TTC23L: variants seen among roughly 807,000 people sequenced by gnomAD.
TTC23L encodes tetratricopeptide repeat domain 23 like.
Under a neutral mutation model 48.1 loss-of-function variants are expected in TTC23L, and 42 were observed. The observed-to-expected ratio is 0.87, with a 90% CI of 0.68 to 1.13. The LOEUF is 1.13. TTC23L is among the 50% of genes most tolerant of loss of function. The probability of loss-of-function intolerance (pLI) is 0.00; values close to 1 mark genes in which losing one functional copy is unlikely to be tolerated. For synonymous variants in TTC23L, 159 were observed against 157.2 expected (o/e 1.01, Z -0.09); for missense variants, 391 against 421.0 (o/e 0.93, Z 0.62).
At chr5:34,873,915 C>G (rs1761650800) in intron 8 of TTC23L, among the ~76,000 whole-genome samples, 1 of 152,124 alleles carries the variant, frequency 6.6e-6, no homozygotes, top group African/African-American at 2.4e-5. Flanking sequence ...TAGGTCAACA[C>G]TAAGCTATGC....
At chr5:34,843,177 T>G (rs117432023) in intron 2 of TTC23L, among the ~76,000 whole-genome samples, 1 of 152,310 alleles carries the variant, frequency 6.6e-6, no homozygotes, top group East Asian at 1.9e-4. Context: ...AAATTGAAGT[T>G]CATAAAAATG....
chr5:34,914,828 T>C, the TTC23L span: 5 of 1,614,104 alleles, frequency 3.1e-6, no homozygotes, highest in Non-Finnish European at 2.5e-6. Context: ...CCTAACGTTG[T>C]CAAGGCTGGC....
chr5:34,913,451 T>C, the TTC23L span: 2 of 1,435,542 alleles, frequency 1.4e-6, no homozygotes, highest in Non-Finnish European at 1.9e-6. Context: ...TTTATGTCTT[T>C]ATACTGATCA....
chr5:34,840,084 G>T (rs1481142317), intron 1 of TTC23L, among the ~76,000 whole-genome samples: 3 of 152,204 alleles, frequency 2.0e-5, no homozygotes, highest in African/African-American at 7.2e-5. Context: ...TAGAGACGGG[G>T]TTTCACCCTG....
intron 1 of TTC23L, 43 bp from the exon 2 acceptor site, chr5:34,840,622 C>T: frequency 6.5e-7 from 1 of 1,548,094 alleles, no homozygotes; most frequent in Non-Finnish European, 8.9e-7. Flanking sequence ...GAACAGACAC[C>T]CAGCCTTTTC....
intron 6 of TTC23L, among the ~76,000 whole-genome samples, chr5:34,866,691 A>T (rs1761068476): frequency 6.6e-6 from 1 of 152,208 alleles, no homozygotes; most frequent in Non-Finnish European, 1.5e-5. Context: ...AATGGGTTTA[A>T]TGAGTGGTCG....
downstream of TTC23L, among the ~76,000 whole-genome samples, chr5:34,900,644 A>AT (rs1561165123): frequency 6.6e-6 from 1 of 152,262 alleles, no homozygotes; most frequent in Admixed American, 6.5e-5. Flanking sequence ...TCTTTGATAC[A>AT]TATCAAGCAA....
In TTC23L at chr5:34,872,816, A is replaced by G. The variant is rs968635068; in HGVS notation, c.949+3803A>G. On this transcript the variant is annotated intron_variant, in intron 8 of 10. Transcript: ENST00000505624. ...AGTGGCTCACGCCTGTAATCCCAGC[A>G]CTTTGAGAGGCCGAGGCAGGTATTT... Among the ~76,000 whole-genome samples the G allele has an allele frequency of 2.0e-5, 3 of 152,208 alleles. No homozygotes were observed. The East Asian group carries it at 5.8e-4, about 29-fold the overall frequency.
At chr5:34,914,755 T>C in the TTC23L span, 2 of 1,614,104 alleles carry the variant, frequency 1.2e-6, no homozygotes, top group East Asian at 4.5e-5. Flanking sequence ...TGATACCATT[T>C]TTAGTTGCGA....
intron 4 of TTC23L, among the ~76,000 whole-genome samples, chr5:34,858,149 G>A (rs1460101963): frequency 6.6e-6 from 1 of 152,210 alleles, no homozygotes; most frequent in Admixed American, 6.5e-5. Flanking sequence ...AGCAGGCCTT[G>A]CTGCCCCTCT....
chr5:34,879,561 G>A (rs990443265), intron 8 of TTC23L, among the ~76,000 whole-genome samples: 2 of 152,130 alleles, frequency 1.3e-5, no homozygotes, highest in African/African-American at 4.8e-5. Flanking sequence ...TAGTCTTGCA[G>A]TATACCTGGG....
intron 4 of TTC23L, among the ~76,000 whole-genome samples, chr5:34,853,119 G>A (rs1369415068): frequency 1.3e-5 from 2 of 152,180 alleles, no homozygotes; most frequent in African/African-American, 4.8e-5. Flanking sequence ...GAAGGGGGAA[G>A]AAGCTACTGA....
chr5:34,915,466 A>T, the TTC23L span: 1 of 385,366 alleles, frequency 2.6e-6, no homozygotes, highest in Admixed American at 4.4e-5. Context: ...AAAGTCCCTG[A>T]AGAGGAGCGA....
intron 9 of TTC23L, among the ~76,000 whole-genome samples, chr5:34,882,833 G>A (rs371702177): frequency 7.2e-5 from 11 of 152,116 alleles, no homozygotes; most frequent in African/African-American, 2.6e-4. Flanking sequence ...TGAGCCTAGG[G>A]GTTTGAGACC....
the TTC23L span, chr5:34,915,867 G>T: frequency 1.3e-6 from 2 of 1,562,306 alleles, no homozygotes; most frequent in Non-Finnish European, 1.7e-6. Context: ...AGGAAGAAGA[G>T]AGGGACCGGA....
At chr5:34,851,847 A>G (rs1452635419) in intron 4 of TTC23L, among the ~76,000 whole-genome samples, 1 of 152,118 alleles carries the variant, frequency 6.6e-6, no homozygotes, top group African/African-American at 2.4e-5. Context: ...GGGATACATA[A>G]ATGAATATTG....
intron 2 of TTC23L, among the ~76,000 whole-genome samples, chr5:34,844,444 CAAAA>C (rs10675653): frequency 8.1e-6 from 1 of 122,778 alleles, no homozygotes; most frequent in Non-Finnish European, 1.6e-5. Flanking sequence ...GCAGCAGCAG[CAAAA>C]AAAAAAAAAA....
intron 2 of TTC23L, among the ~76,000 whole-genome samples, chr5:34,842,660 G>T (rs958664227): frequency 2.0e-5 from 3 of 152,152 alleles, no homozygotes; most frequent in Non-Finnish European, 2.9e-5. Flanking sequence ...TCAAACAACA[G>T]GCTCTAGATG....
intron 9 of TTC23L, among the ~76,000 whole-genome samples, chr5:34,893,090 AATT>A (rs1016699967): frequency 6.6e-6 from 1 of 152,180 alleles, no homozygotes; most frequent in East Asian, 1.9e-4. Flanking sequence ...TTAGACCCTT[AATT>A]ATCTAAAGCC....
Sources: gnomAD v4.1 joint callset for allele counts (sites outside exome capture counted in the v4.1 genomes callset) on GRCh38, gnomAD v4.1.1 for gene constraint, MANE v1.5 for transcripts, NCBI Gene and HGNC (gene_info 2026-07-23, HGNC 2026-07-21) for gene names.